The following PACRG variants were observed in gnomAD, a reference collection of about 807,000 sequenced individuals.
PACRG encodes parkin coregulated.
In PACRG, 29 loss-of-function variants were observed where a neutral mutation model predicts 29.7. That is an observed-to-expected ratio of 0.98 (90% CI 0.73 to 1.33). The LOEUF (loss-of-function observed/expected upper bound fraction) is 1.33, where lower values mean the gene tolerates loss of function less well. Among genes scored for constraint, PACRG ranks in the 40% most tolerant of loss-of-function variants. The probability of loss-of-function intolerance (pLI) is 0.00; values close to 1 mark genes in which losing one functional copy is unlikely to be tolerated. For missense variants in PACRG, 279 were observed against 316.2 expected, an observed-to-expected ratio of 0.88 and a Z score of 0.89; for synonymous variants, 116 against 118.7, an observed-to-expected ratio of 0.98 and a Z score of 0.15.
At chr6:162,911,850 A>G (rs1796325628) in intron 2 of PACRG, among the ~76,000 whole-genome samples, 1 of 152,194 alleles carries the variant, frequency 6.6e-6, no homozygotes, top group South Asian at 2.1e-4. Flanking sequence ...GATAGGAGGG[A>G]AAGATTCCTT....
intron 4 of PACRG, among the ~76,000 whole-genome samples, chr6:163,113,975 T>A (rs898029523): frequency 6.6e-6 from 1 of 152,222 alleles, no homozygotes; most frequent in Non-Finnish European, 1.5e-5. Flanking sequence ...TAAGACGTAA[T>A]TTTGTAATAT....
chr6:163,045,621 C>CTTTT (rs11326242), intron 2 of PACRG, among the ~76,000 whole-genome samples: 27 of 105,884 alleles, frequency 2.5e-4, no homozygotes, highest in African/African-American at 1.0e-3. Flanking sequence ...CTGCGCCCAG[C>CTTTT]TTTTTTTTTT....
intron 4 of PACRG, among the ~76,000 whole-genome samples, chr6:163,300,920 T>C (rs13211843): frequency 0.051 from 3,297 of 64,654 alleles, 47 homozygotes; most frequent in Middle Eastern, 0.096. Context: ...ATGAGTTTAG[T>C]AGGGCCACAT....
intron 4 of PACRG, among the ~76,000 whole-genome samples, chr6:163,285,209 A>G (rs1585399650): frequency 6.7e-6 from 1 of 150,180 alleles, no homozygotes; most frequent in African/African-American, 2.5e-5. Flanking sequence ...ACTCCACCGG[A>G]CTCATCTCTG....
intron 4 of PACRG, among the ~76,000 whole-genome samples, chr6:163,134,908 A>C (rs1342641963): frequency 6.6e-6 from 1 of 152,204 alleles, no homozygotes; most frequent in East Asian, 1.9e-4. Flanking sequence ...AAACATTTCG[A>C]ATAACACCGA....
intron 2 of PACRG, among the ~76,000 whole-genome samples, chr6:163,054,372 C>A (rs1810341406): frequency 6.6e-6 from 1 of 152,180 alleles, no homozygotes; most frequent in Non-Finnish European, 1.5e-5. Context: ...AGGAAGCGAT[C>A]TCTCCCTCCA....
chr6:162,828,862 G>A (rs1232279911), intron 2 of PACRG, among the ~76,000 whole-genome samples: 2 of 152,088 alleles, frequency 1.3e-5, no homozygotes, highest in Non-Finnish European at 2.9e-5. Context: ...TGCAATTTCA[G>A]GACCTAGTAC....
intron 4 of PACRG, among the ~76,000 whole-genome samples, chr6:163,187,269 C>T (rs917742567): frequency 1.3e-5 from 2 of 152,150 alleles, no homozygotes; most frequent in African/African-American, 4.8e-5. Flanking sequence ...GATCTGTTCG[C>T]GGCCTCTGCT....
At chr6:162,870,425 TA>T (rs1416159184) in intron 2 of PACRG, among the ~76,000 whole-genome samples, 1 of 152,240 alleles carries the variant, frequency 6.6e-6, no homozygotes, top group African/African-American at 2.4e-5. Flanking sequence ...TCTTCTTTTT[TA>T]AAATTCTTAT....
intron 2 of PACRG, among the ~76,000 whole-genome samples, chr6:163,034,571 T>A (rs1174521397): frequency 6.6e-6 from 1 of 152,166 alleles, no homozygotes; most frequent in African/African-American, 2.4e-5. Flanking sequence ...AAGTTGGGCC[T>A]CTAATTCAAT....
chr6:162,941,137 T>TAGAAGA lies in PACRG; in HGVS notation c.292-121013_292-121012insAGAAGA, dbSNP rs566348904. On this transcript the variant is annotated intron_variant, in intron 2 of 4. Coordinates refer to ENST00000366888, the MANE Select transcript of PACRG (RefSeq NM_001080379.2). ...GGGTGTCCCCACGGCTTCTAGCCTT[T>TAGAAGA]GGGGTTACCCTCTTCTCTAATATTA... is the stretch of plus-strand genomic sequence containing the variant. Among the ~76,000 whole-genome samples, 60 of 152,290 alleles carry TAGAAGA rather than the reference T, an allele frequency of 3.9e-4. 1 individual carries two copies. In the East Asian group the frequency reaches 0.011, roughly 29 times the overall value.
intron 1 of PACRG, among the ~76,000 whole-genome samples, chr6:162,757,304 T>G (rs1782001936): frequency 6.6e-6 from 1 of 152,224 alleles, no homozygotes; most frequent in African/African-American, 2.4e-5. Flanking sequence ...TGAATATCAC[T>G]GTCTACTGTG....
chr6:162,862,434 T>C (rs1334092883), intron 2 of PACRG, among the ~76,000 whole-genome samples: 1 of 152,208 alleles, frequency 6.6e-6, no homozygotes, highest in African/African-American at 2.4e-5. Flanking sequence ...AGAAAGGAGA[T>C]GCCTGAAAAG....
At chr6:162,926,997 C>G (rs1340120210) in intron 2 of PACRG, among the ~76,000 whole-genome samples, 2 of 151,932 alleles carry the variant, frequency 1.3e-5, no homozygotes, top group Admixed American at 6.6e-5. Context: ...AGACAAAGGA[C>G]ATGAACAGAT....
chr6:163,195,195 C>G (rs1418320148), intron 4 of PACRG, among the ~76,000 whole-genome samples: 3 of 152,228 alleles, frequency 2.0e-5, no homozygotes, highest in South Asian at 2.1e-4. Context: ...GCCTTGGCCT[C>G]TCAGCCACGC....
intron 1 of PACRG, among the ~76,000 whole-genome samples, chr6:162,772,686 G>A (rs1393212504): frequency 6.6e-6 from 1 of 152,128 alleles, no homozygotes; most frequent in Admixed American, 6.6e-5. Flanking sequence ...TTTGTCTTAG[G>A]ATCATTAACC....
At chr6:162,727,868 T>G, upstream of PACRG, 2 of 601,604 alleles carry the variant, frequency 3.3e-6, no homozygotes, top group East Asian at 5.9e-5. Flanking sequence ...TAGTTTCTCC[T>G]CACGCCTCCT....
intron 2 of PACRG, among the ~76,000 whole-genome samples, chr6:162,950,447 G>T (rs928800829): frequency 1.3e-5 from 2 of 152,188 alleles, no homozygotes; most frequent in Non-Finnish European, 2.9e-5. Flanking sequence ...GGCGGAGCTT[G>T]CAGTGAGCCA....
Position 162,783,090 on chromosome 6 carries a change from C to T in PACRG, c.157-31057C>T, listed in dbSNP as rs150753761. Among the ~76,000 whole-genome samples the T allele has an allele frequency of 4.7e-4, 72 of 151,790 alleles. 1 individual carries two copies. In the East Asian group the frequency reaches 0.012, roughly 24 times the overall value. ...ACTTAAATTAACATCCAGAAATAAC[C>T]GCTCATCCTTTTTTTGTGATTGATG... On this transcript the variant is annotated intron_variant, in intron 1 of 4. Coordinates refer to ENST00000366888, the MANE Select transcript of PACRG (RefSeq NM_001080379.2).
Sources: allele counts gnomAD v4.1 joint callset (sites outside exome capture counted in the v4.1 genomes callset), GRCh38; gene constraint gnomAD v4.1.1; transcripts MANE v1.5; gene names NCBI Gene and HGNC (gene_info 2026-07-23, HGNC 2026-07-21).